The following DYNC1I1 variants were observed in gnomAD, a reference collection of about 807,000 sequenced individuals.
DYNC1I1 encodes the protein cytoplasmic dynein 1 intermediate chain 1.
A neutral mutation model predicts 86.6 loss-of-function variants in DYNC1I1; 43 were observed. The observed-to-expected ratio is 0.50, with a 90% CI of 0.39 to 0.64. The LOEUF is 0.64. DYNC1I1 is among the 30% of genes least tolerant of loss of function. The probability of loss-of-function intolerance (pLI) is 0.00; values close to 1 mark genes in which losing one functional copy is unlikely to be tolerated. For missense variants in DYNC1I1, 604 were observed against 788.8 expected, an observed-to-expected ratio of 0.77 and a Z score of 2.81; for synonymous variants, 262 against 283.7, an observed-to-expected ratio of 0.92 and a Z score of 0.77.
chr7:95,938,302 C>A (rs1792104453), intron 6 of DYNC1I1, among the ~76,000 whole-genome samples: 1 of 152,130 alleles, frequency 6.6e-6, no homozygotes. Flanking sequence ...ATAACATTCA[C>A]CATGGTGGTA....
At chr7:96,091,306 A>G (rs1034704751) in intron 16 of DYNC1I1, among the ~76,000 whole-genome samples, 1 of 152,212 alleles carries the variant, frequency 6.6e-6, no homozygotes, top group Non-Finnish European at 1.5e-5. Flanking sequence ...AGAAAACTTT[A>G]ATTTTTAGAT....
intron 6 of DYNC1I1, among the ~76,000 whole-genome samples, chr7:95,942,153 G>T (rs929414759): frequency 6.6e-6 from 1 of 151,966 alleles, no homozygotes; most frequent in Non-Finnish European, 1.5e-5. Context: ...AAAGAGAGAA[G>T]AATCAAATAC....
chr7:95,950,642 A>G (rs1262934724), intron 6 of DYNC1I1, among the ~76,000 whole-genome samples: 1 of 152,202 alleles, frequency 6.6e-6, no homozygotes, highest in East Asian at 1.9e-4. Flanking sequence ...CTGAATTCAG[A>G]GTCCTAACCA....
intron 6 of DYNC1I1, among the ~76,000 whole-genome samples, chr7:95,951,748 T>C (rs538938773): frequency 6.6e-6 from 1 of 152,282 alleles, no homozygotes; most frequent in African/African-American, 2.4e-5. Context: ...ATTTTCTCTG[T>C]GTTGTATTCA....
chr7:95,970,957 T>C (rs1161134061), intron 6 of DYNC1I1, among the ~76,000 whole-genome samples: 1 of 152,108 alleles, frequency 6.6e-6, no homozygotes, highest in Admixed American at 6.5e-5. Context: ...AGACAGATGC[T>C]GGAGGTGGAA....
At chr7:95,962,052 G>T (rs1371965409) in intron 6 of DYNC1I1, among the ~76,000 whole-genome samples, 1 of 152,178 alleles carries the variant, frequency 6.6e-6, no homozygotes, top group Non-Finnish European at 1.5e-5. Context: ...AGAGCTGAGA[G>T]TAGAGAGAAA....
chr7:96,006,485 C>G lies in DYNC1I1; in HGVS notation c.969+10412C>G, dbSNP rs552475759. ...GTGAATATTTAGCTAATTTTCAGAACAGGATTTCACTGGATTATCACTTCT... is the reference window on the plus strand; with the variant it reads ...GTGAATATTTAGCTAATTTTCAGAAGAGGATTTCACTGGATTATCACTTCT... On this transcript the variant is annotated intron_variant, in intron 10 of 16. Transcript: ENST00000447467. Among the ~76,000 whole-genome samples the G allele has an allele frequency of 1.3e-5, 2 of 152,256 alleles. 1 individual carries two copies. The highest frequency in any genetic ancestry group is 4.8e-5 in the African/African-American group (2 of 41,560).
intron 1 of DYNC1I1, among the ~76,000 whole-genome samples, chr7:95,781,455 G>T (rs1434330358): frequency 6.6e-6 from 1 of 152,192 alleles, no homozygotes; most frequent in Non-Finnish European, 1.5e-5. Context: ...AGACCTTAAA[G>T]TAGATAGAAA....
At chr7:95,906,627 TG>T (rs1791184993) in intron 6 of DYNC1I1, among the ~76,000 whole-genome samples, 1 of 152,186 alleles carries the variant, frequency 6.6e-6, no homozygotes, top group South Asian at 2.1e-4. Flanking sequence ...GAGACTTAGT[TG>T]CTTTATTTGT....
intron 6 of DYNC1I1, among the ~76,000 whole-genome samples, chr7:95,943,114 C>G (rs1044138151): frequency 2.1e-5 from 3 of 143,846 alleles, no homozygotes; most frequent in South Asian, 4.8e-4. Flanking sequence ...GATTGTATAT[C>G]TAGAAAACCC....
chr7:95,943,167 C>T (rs1464285989), intron 6 of DYNC1I1, among the ~76,000 whole-genome samples: 1 of 151,126 alleles, frequency 6.6e-6, no homozygotes, highest in African/African-American at 2.4e-5. Flanking sequence ...TAAGCAACTT[C>T]AGCAAAGTCT....
At chr7:96,013,548 T>C (rs1794330191) in intron 10 of DYNC1I1, among the ~76,000 whole-genome samples, 1 of 152,188 alleles carries the variant, frequency 6.6e-6, no homozygotes, top group Non-Finnish European at 1.5e-5. Context: ...AGCCTCAACC[T>C]TCTGGGCTCT....
intron 5 of DYNC1I1, among the ~76,000 whole-genome samples, chr7:95,834,297 AG>A (rs1789009053): frequency 2.5e-5 from 1 of 39,538 alleles, no homozygotes; most frequent in African/African-American, 1.3e-4. Flanking sequence ...ATATTGAACC[AG>A]CCTTGCATCC....
At chr7:96,016,531 C>T (rs1200862251) in intron 10 of DYNC1I1, among the ~76,000 whole-genome samples, 3 of 152,100 alleles carry the variant, frequency 2.0e-5, no homozygotes, top group Non-Finnish European at 2.9e-5. Flanking sequence ...TTGTCCAAAG[C>T]AGGACACACA....
chr7:95,814,756 C>T (rs1032131447), intron 4 of DYNC1I1, among the ~76,000 whole-genome samples: 1 of 151,664 alleles, frequency 6.6e-6, no homozygotes, highest in Non-Finnish European at 1.5e-5. Context: ...TTTCGTAGGC[C>T]CTTTGGAAAC....
intron 6 of DYNC1I1, among the ~76,000 whole-genome samples, chr7:95,939,777 G>A (rs1792151598): frequency 6.6e-6 from 1 of 152,060 alleles, no homozygotes; most frequent in Admixed American, 6.5e-5. Flanking sequence ...TCTTTTAATT[G>A]GAGAATTTAG....
chr7:95,776,661 A>C (rs1584209251), intron 1 of DYNC1I1, among the ~76,000 whole-genome samples: 1 of 152,326 alleles, frequency 6.6e-6, no homozygotes, highest in South Asian at 2.1e-4. Context: ...GTGGCAGCCA[A>C]AAATAAAATG....
chr7:95,969,348 C>G (rs1189137460), intron 6 of DYNC1I1, among the ~76,000 whole-genome samples: 3 of 152,148 alleles, frequency 2.0e-5, no homozygotes, highest in African/African-American at 7.2e-5. Context: ...CTGCTCTGAG[C>G]AATACTGGAG....
chr7:95,841,130 C>T (rs1428151785), intron 5 of DYNC1I1, among the ~76,000 whole-genome samples: 1 of 152,176 alleles, frequency 6.6e-6, no homozygotes, highest in Non-Finnish European at 1.5e-5. Flanking sequence ...GTTCTTGGAA[C>T]AGACAAGCTA....
Sources: gnomAD v4.1 joint callset for allele counts (sites outside exome capture counted in the v4.1 genomes callset) on GRCh38, gnomAD v4.1.1 for gene constraint, MANE v1.5 for transcripts, NCBI Gene and HGNC (gene_info 2026-07-23, HGNC 2026-07-21) for gene names.